CNTN4: variants seen among roughly 807,000 people sequenced by gnomAD.
The protein encoded by CNTN4 is contactin-4.
A neutral mutation model predicts 122.5 loss-of-function variants in CNTN4; 77 were observed. The observed-to-expected ratio is 0.63, with a 90% CI of 0.52 to 0.76. CNTN4 has a LOEUF of 0.76. Ranked by LOEUF, CNTN4 falls within the 30% of genes least tolerant of loss-of-function variation. The pLI is 0.00. For missense variants in CNTN4, 1,256 were observed against 1,259.1 expected, an observed-to-expected ratio of 1.00 and a Z score of 0.04; for synonymous variants, 512 against 447.0, an observed-to-expected ratio of 1.15 and a Z score of -1.83.
intron 3 of CNTN4, among the ~76,000 whole-genome samples, chr3:2,393,193 C>T (rs1183131893): frequency 6.6e-6 from 1 of 152,114 alleles, no homozygotes; most frequent in African/African-American, 2.4e-5. Context: ...TGAGTGAGTA[C>T]ATGTGTCTGT....
At chr3:2,510,766 C>G (rs1031668169) in intron 3 of CNTN4, among the ~76,000 whole-genome samples, 3 of 152,154 alleles carry the variant, frequency 2.0e-5, no homozygotes, top group African/African-American at 7.2e-5. Context: ...AAATCTCTCT[C>G]TTGCCAGACC....
chr3:2,528,792 C>T (rs1255708265), intron 3 of CNTN4, among the ~76,000 whole-genome samples: 1 of 151,808 alleles, frequency 6.6e-6, no homozygotes, highest in Non-Finnish European at 1.5e-5. Flanking sequence ...TTTGTTTCCA[C>T]CTTTAGTATG....
At position 2,864,012 on chromosome 3, in the gene CNTN4, T is replaced by G. The variant is rs565787662; in HGVS notation, c.455-2740T>G. 2.6e-5 allele frequency among the ~76,000 whole-genome samples: 4 copies of G among 152,322 alleles called. No homozygotes were observed. The East Asian group carries it at 7.7e-4, about 29-fold the overall frequency. ...CACAAAAGCAGTGAAACCAAAGGAA[T>G]CAACCTATTTTTAATTAGATCAAAT... On this transcript the variant is annotated intron_variant, in intron 7 of 24. Transcript: ENST00000418658.
chr3:2,623,515 G>A (rs1430649008), intron 4 of CNTN4, among the ~76,000 whole-genome samples: 1 of 152,190 alleles, frequency 6.6e-6, no homozygotes, highest in Non-Finnish European at 1.5e-5. Context: ...GGAGGTCAGA[G>A]GATAGGTAAA....
At chr3:2,852,288 G>A (rs2093561483) in intron 7 of CNTN4, among the ~76,000 whole-genome samples, 1 of 152,058 alleles carries the variant, frequency 6.6e-6, no homozygotes, top group Non-Finnish European at 1.5e-5. Flanking sequence ...TCCAAGAGAT[G>A]AGTCAAATGA....
At chr3:2,474,434 AC>A (rs1303794842) in intron 3 of CNTN4, among the ~76,000 whole-genome samples, 2 of 152,238 alleles carry the variant, frequency 1.3e-5, no homozygotes, top group Admixed American at 6.5e-5. Flanking sequence ...ATTTATATGA[AC>A]TTAAGCCTTT....
intron 3 of CNTN4, among the ~76,000 whole-genome samples, chr3:2,451,035 G>A (rs1162154511): frequency 1.3e-5 from 2 of 152,082 alleles, no homozygotes; most frequent in Admixed American, 1.3e-4. Context: ...CCCCTGAGGT[G>A]GGAAGACTAC....
chr3:2,634,676 GAAAA>G (rs10655083), intron 4 of CNTN4, among the ~76,000 whole-genome samples: 36 of 134,654 alleles, frequency 2.7e-4, no homozygotes, highest in African/African-American at 9.9e-4. Context: ...TAAAAATACA[GAAAA>G]AAAAAAAATA....
intron 4 of CNTN4, among the ~76,000 whole-genome samples, chr3:2,665,602 A>G (rs2084114326): frequency 6.6e-6 from 1 of 152,078 alleles, no homozygotes; most frequent in Non-Finnish European, 1.5e-5. Flanking sequence ...TGGGTGAAAA[A>G]ATTGGACATC....
At chr3:2,659,517 G>A (rs2083773352) in intron 4 of CNTN4, among the ~76,000 whole-genome samples, 1 of 150,638 alleles carries the variant, frequency 6.6e-6, no homozygotes, top group South Asian at 2.1e-4. Flanking sequence ...GGAAGAGAGG[G>A]CAAATGTGTA....
At chr3:2,261,532 T>A (rs1296578154) in intron 2 of CNTN4, among the ~76,000 whole-genome samples, 1 of 152,204 alleles carries the variant, frequency 6.6e-6, no homozygotes, top group African/African-American at 2.4e-5. Context: ...GCATTCTCTA[T>A]GTTAATAACT....
chr3:2,653,398 C>T (rs1237611489), intron 4 of CNTN4, among the ~76,000 whole-genome samples: 1 of 151,988 alleles, frequency 6.6e-6, no homozygotes, highest in African/African-American at 2.4e-5. Flanking sequence ...AGCTCTTTTC[C>T]AAATATTTAG....
At chr3:2,154,646 T>C (rs2035640656) in intron 2 of CNTN4, among the ~76,000 whole-genome samples, 1 of 152,208 alleles carries the variant, frequency 6.6e-6, no homozygotes, top group South Asian at 2.1e-4. Flanking sequence ...TTTATATGTA[T>C]AGAGAATTGG....
intron 14 of CNTN4, among the ~76,000 whole-genome samples, chr3:3,013,105 G>T (rs1311614001): frequency 1.3e-5 from 2 of 151,968 alleles, no homozygotes; most frequent in Admixed American, 1.3e-4. Context: ...GGTAATAATA[G>T]TATCTCATAC....
chr3:2,201,756 A>T (rs913043806), intron 2 of CNTN4, among the ~76,000 whole-genome samples: 9 of 152,146 alleles, frequency 5.9e-5, no homozygotes, highest in African/African-American at 2.2e-4. Context: ...ATATTTTTTT[A>T]AATTTTTATT....
intron 3 of CNTN4, among the ~76,000 whole-genome samples, chr3:2,399,390 G>A (rs766431575): frequency 6.6e-6 from 1 of 152,006 alleles, no homozygotes; most frequent in Non-Finnish European, 1.5e-5. Context: ...TGTGGATGAA[G>A]GTGTTTTTGT....
At chr3:2,569,333 G>A (rs1413995394) in intron 3 of CNTN4, among the ~76,000 whole-genome samples, 1 of 152,172 alleles carries the variant, frequency 6.6e-6, no homozygotes, top group Non-Finnish European at 1.5e-5. Flanking sequence ...TTATTAAGTA[G>A]CTTGTGTTGG....
At chr3:2,964,321 T>C (rs1692078867) in intron 13 of CNTN4, among the ~76,000 whole-genome samples, 1 of 152,156 alleles carries the variant, frequency 6.6e-6, no homozygotes, top group Non-Finnish European at 1.5e-5. Context: ...GATCTAGCAA[T>C]TTACTAGGGC....
chr3:2,857,570 C>A (rs1042306891), intron 7 of CNTN4, among the ~76,000 whole-genome samples: 1 of 152,098 alleles, frequency 6.6e-6, no homozygotes, highest in Non-Finnish European at 1.5e-5. Flanking sequence ...ACAGACTGGG[C>A]CATCTATTTT....
Sources: allele counts gnomAD v4.1 joint callset (sites outside exome capture counted in the v4.1 genomes callset), GRCh38; gene constraint gnomAD v4.1.1; transcripts MANE v1.5; gene names NCBI Gene and HGNC (gene_info 2026-07-23, HGNC 2026-07-21).